RBM19: variants seen among roughly 807,000 people sequenced by gnomAD.
RBM19 encodes the protein probable RNA-binding protein 19.
In RBM19, 94 loss-of-function variants were observed where a neutral mutation model predicts 116.8. The observed-to-expected ratio is 0.80, with a 90% CI of 0.68 to 0.95. RBM19 has a LOEUF of 0.95. RBM19 is among the 40% of genes least tolerant of loss of function. The pLI is 0.00. For missense variants in RBM19, 1,161 were observed against 1,220.7 expected (o/e 0.95, Z 0.73); for synonymous variants, 475 against 494.1 (o/e 0.96, Z 0.51).
At chr12:113,879,075 T>TC (rs954946308) in intron 21 of RBM19, among the ~76,000 whole-genome samples, 1 of 152,050 alleles carries the variant, frequency 6.6e-6, no homozygotes, top group Admixed American at 6.5e-5. Context: ...GCACTTGGCT[T>TC]CCCCGTCCCC....
intron 18 of RBM19, among the ~76,000 whole-genome samples, chr12:113,921,642 C>A (rs949192225): frequency 6.6e-6 from 1 of 152,174 alleles, no homozygotes; most frequent in African/African-American, 2.4e-5. Flanking sequence ...ATTGCCCATA[C>A]ATGGCTCAGA....
At chr12:113,853,454 A>C (rs1260267312) in intron 22 of RBM19, among the ~76,000 whole-genome samples, 1 of 152,276 alleles carries the variant, frequency 6.6e-6, no homozygotes, top group African/African-American at 2.4e-5. Flanking sequence ...CAACTGCAAA[A>C]GTACAAAGGC....
At chr12:113,860,336 G>A (rs536701202) in intron 21 of RBM19, among the ~76,000 whole-genome samples, 4 of 152,360 alleles carry the variant, frequency 2.6e-5, no homozygotes, top group South Asian at 2.1e-4. Context: ...ACCTAAAGGC[G>A]GATGCATCCC....
intron 21 of RBM19, among the ~76,000 whole-genome samples, chr12:113,905,080 T>C (rs1458080355): frequency 6.6e-6 from 1 of 152,192 alleles, no homozygotes; most frequent in Non-Finnish European, 1.5e-5. Flanking sequence ...CTAGTCCCCC[T>C]GAGAGACTTT....
intron 22 of RBM19, among the ~76,000 whole-genome samples, chr12:113,851,663 T>G (rs1331716073): frequency 1.3e-5 from 2 of 152,072 alleles, no homozygotes; most frequent in African/African-American, 4.8e-5. Context: ...AACTCTTCCT[T>G]TAGCCCAACG....
At chr12:113,929,448 C>G (rs1869407664) in intron 16 of RBM19, among the ~76,000 whole-genome samples, 1 of 152,180 alleles carries the variant, frequency 6.6e-6, no homozygotes, top group Non-Finnish European at 1.5e-5. Flanking sequence ...GGCTCCTCCC[C>G]CAACCAAGAA....
intron 21 of RBM19, among the ~76,000 whole-genome samples, chr12:113,909,862 C>T (rs1458733675): frequency 1.3e-5 from 2 of 152,192 alleles, no homozygotes; most frequent in Non-Finnish European, 1.5e-5. Context: ...TTTCATGAGC[C>T]CGGCACTACG....
At chr12:113,914,915 G>T in intron 21 of RBM19, 54 bp downstream of exon 21, 1 of 1,493,920 alleles carries the variant, frequency 6.7e-7, no homozygotes, top group South Asian at 1.1e-5. Context: ...CCTGAGACTC[G>T]GGCAGGCTCC....
intron 23 of RBM19, among the ~76,000 whole-genome samples, chr12:113,830,590 T>TGG (rs1555228714): frequency 5.7e-5 from 1 of 17,394 alleles, no homozygotes. Context: ...GGGGGGGGGG[T>TGG]GGGCTATGCC....
At chr12:113,906,922 C>A (rs1325848467) in intron 21 of RBM19, among the ~76,000 whole-genome samples, 1 of 152,016 alleles carries the variant, frequency 6.6e-6, no homozygotes, top group African/African-American at 2.4e-5. Context: ...CGGGAGAAGG[C>A]ACAGAAGGAA....
In RBM19 at chr12:113,893,097, T is replaced by A. The variant is rs370046850; in HGVS notation, c.2558+21872A>T. On this transcript the variant is annotated intron_variant, in intron 21 of 23. Coordinates refer to ENST00000261741, the MANE Select transcript of RBM19 (RefSeq NM_016196.4). ...CACAGGCTGGAGTGCAGTGGTGCAA[T>A]CATGGCTCACAGCAGCCTCCAACTC... is the stretch of plus-strand genomic sequence containing the variant. Among the ~76,000 whole-genome samples, 26 of 151,162 alleles carry A rather than the reference T, an allele frequency of 1.7e-4. No individual in the cohort carries two copies. In the East Asian group the frequency reaches 2.0e-3, roughly 11 times the overall value.
intron 23 of RBM19, among the ~76,000 whole-genome samples, chr12:113,836,495 G>C (rs1593462247): frequency 6.6e-6 from 1 of 152,116 alleles, no homozygotes; most frequent in East Asian, 1.9e-4. Context: ...GCTTCCGCTT[G>C]GTGGGGAGGG....
At chr12:113,895,992 A>G (rs1881297790) in intron 21 of RBM19, among the ~76,000 whole-genome samples, 1 of 152,032 alleles carries the variant, frequency 6.6e-6, no homozygotes, top group Non-Finnish European at 1.5e-5. Context: ...CTATAGATAT[A>G]TATGTAGAGA....
chr12:113,846,159 T>C (rs745679603), intron 22 of RBM19, among the ~76,000 whole-genome samples: 2 of 152,178 alleles, frequency 1.3e-5, no homozygotes, highest in East Asian at 1.9e-4. Flanking sequence ...TGCTTGAGCA[T>C]TGGCAGTGGA....
rs1881487833 is a variant in RBM19, at chr12:113,898,439, C to T, written c.2558+16530G>A. Among the ~76,000 whole-genome samples the T allele has an allele frequency of 6.6e-6, 1 of 152,152 alleles. No homozygotes were observed. Among genetic ancestry groups the T allele is most frequent in the South Asian group, 2.1e-4 (1 of 4,824 alleles). ...CATGTCTCTGCACCTAACCAACTGG[C>T]AACAAGAGATCAATTCACTGGGATG... On this transcript the variant is annotated intron_variant, in intron 21 of 23. Coordinates refer to ENST00000261741, the MANE Select transcript of RBM19 (RefSeq NM_016196.4). The surrounding 1 kb of genome is among the most constrained non-coding windows in gnomAD (Gnocchi z 4.3).
At chr12:113,918,559 C>T (rs1015924360) in intron 19 of RBM19, 112 bp from the exon 20 acceptor site, 3 of 1,104,102 alleles carry the variant, frequency 2.7e-6, no homozygotes, top group Admixed American at 4.2e-5. Flanking sequence ...TGATTGTTCC[C>T]CGGGGAGTGG....
chr12:113,936,072 TCTGACA>T (rs2135897310), intron 16 of RBM19, among the ~76,000 whole-genome samples: 2 of 148,452 alleles, frequency 1.3e-5, no homozygotes, highest in South Asian at 2.2e-4. Context: ...AACTCTTAAA[TCTGACA>T]GTGTTCCTCC....
chr12:113,936,925 A>G, intron 16 of RBM19, 82 bp downstream of exon 16: 2 of 1,528,012 alleles, frequency 1.3e-6, no homozygotes, highest in African/African-American at 1.4e-5. Flanking sequence ...GAGGCTTGAT[A>G]AGAAACTTCA....
chr12:113,900,461 G>C (rs1881617653), intron 21 of RBM19, among the ~76,000 whole-genome samples: 1 of 152,208 alleles, frequency 6.6e-6, no homozygotes, highest in Admixed American at 6.5e-5. Context: ...CAGGGTTCCA[G>C]GCAGCCATGA....
Sources: allele counts gnomAD v4.1 joint callset (sites outside exome capture counted in the v4.1 genomes callset), GRCh38; gene constraint gnomAD v4.1.1; non-coding constraint Gnocchi (gnomAD v3.1); transcripts MANE v1.5; gene names NCBI Gene and HGNC (gene_info 2026-07-23, HGNC 2026-07-21).